Variants in COL5A2 observed in about 807,000 individuals in gnomAD.
COL5A2 encodes the protein collagen alpha-2(V) chain.
In COL5A2, 23 loss-of-function variants were observed where a neutral mutation model predicts 208.2. The observed-to-expected ratio is 0.11, with a 90% CI of 0.08 to 0.16. The LOEUF (loss-of-function observed/expected upper bound fraction) is 0.16. Ranked by LOEUF, COL5A2 falls within the 10% of genes least tolerant of loss-of-function variation. The pLI is 1.00. For missense variants in COL5A2, 1,590 were observed against 1,956.4 expected, an observed-to-expected ratio of 0.81 and a Z score of 3.53; for synonymous variants, 625 against 628.5, an observed-to-expected ratio of 0.99 and a Z score of 0.08.
At chr2:189,204,710 C>T (rs1689122095) in intron 1 of COL5A2, among the ~76,000 whole-genome samples, 1 of 152,160 alleles carries the variant, frequency 6.6e-6, no homozygotes, top group Admixed American at 6.5e-5. Flanking sequence ...CATCCTGTGG[C>T]TTAACTCCTG....
chr2:189,269,715 CT>C, the COL5A2 span, among the ~76,000 whole-genome samples: 3 of 152,126 alleles, frequency 2.0e-5, no homozygotes, highest in African/African-American at 7.2e-5. Context: ...TGTTGTGTCT[CT>C]GCCAGGTTTT....
the COL5A2 span, among the ~76,000 whole-genome samples, chr2:189,365,055 A>C: frequency 6.6e-6 from 1 of 152,232 alleles, no homozygotes; most frequent in African/African-American, 2.4e-5. Context: ...ATAGAGGGAT[A>C]TAAGATAGTA....
At chr2:189,196,243 G>C (rs1688999605) in intron 1 of COL5A2, among the ~76,000 whole-genome samples, 1 of 151,836 alleles carries the variant, frequency 6.6e-6, no homozygotes, top group African/African-American at 2.4e-5. Flanking sequence ...TTGATCTTCT[G>C]TCTTGCAATG....
the COL5A2 span, among the ~76,000 whole-genome samples, chr2:189,408,720 G>C: frequency 6.6e-6 from 1 of 152,070 alleles, no homozygotes; most frequent in African/African-American, 2.4e-5. Context: ...ATATTCTGTT[G>C]GTCTCATGTA....
the COL5A2 span, among the ~76,000 whole-genome samples, chr2:189,256,606 G>C: frequency 1.3e-5 from 2 of 152,074 alleles, no homozygotes; most frequent in Non-Finnish European, 2.9e-5. Flanking sequence ...TTTATATTTA[G>C]GAAAATCTGG....
intron 1 of COL5A2, among the ~76,000 whole-genome samples, chr2:189,151,912 T>C (rs941043571): frequency 1.3e-5 from 2 of 152,200 alleles, no homozygotes. Context: ...CAAAGTGTAC[T>C]GTTGGGTCTA....
chr2:189,357,792 G>T, the COL5A2 span, among the ~76,000 whole-genome samples: 1 of 150,638 alleles, frequency 6.6e-6, no homozygotes, highest in Admixed American at 6.6e-5. Context: ...TCCTGCAGCT[G>T]CTCAGTGTCT....
the COL5A2 span, among the ~76,000 whole-genome samples, chr2:189,424,580 A>G: frequency 2.6e-5 from 4 of 152,298 alleles, no homozygotes; most frequent in Admixed American, 6.5e-5. Flanking sequence ...TAGCTACAAA[A>G]GAAATAAAAT....
chr2:189,099,469 A>G (rs1272338741), intron 4 of COL5A2, among the ~76,000 whole-genome samples: 1 of 152,106 alleles, frequency 6.6e-6, no homozygotes, highest in African/African-American at 2.4e-5. Flanking sequence ...TACTAAAAAT[A>G]CAAAATTTAG....
At chr2:189,208,991 C>T (rs935185121) in intron 1 of COL5A2, among the ~76,000 whole-genome samples, 5 of 152,168 alleles carry the variant, frequency 3.3e-5, no homozygotes, top group African/African-American at 1.2e-4. Flanking sequence ...CATCTGGCCC[C>T]CTCGGAGGTA....
chr2:189,354,974 G>A, the COL5A2 span, among the ~76,000 whole-genome samples: 9 of 152,118 alleles, frequency 5.9e-5, no homozygotes, highest in Non-Finnish European at 8.8e-5. Flanking sequence ...ATTCTGGTAC[G>A]TTGTATCTTT....
intron 1 of COL5A2, among the ~76,000 whole-genome samples, chr2:189,163,895 A>G (rs1688417420): frequency 6.6e-6 from 1 of 152,220 alleles, no homozygotes; most frequent in Admixed American, 6.5e-5. Context: ...CAGAGCTGCA[A>G]TTATGATGCA....
the COL5A2 span, among the ~76,000 whole-genome samples, chr2:189,330,313 G>T: frequency 6.6e-6 from 1 of 152,076 alleles, no homozygotes; most frequent in African/African-American, 2.4e-5. Context: ...AACACCAAAG[G>T]CTAAACACAG....
At chr2:189,189,296 G>T (rs1310125519) in intron 1 of COL5A2, among the ~76,000 whole-genome samples, 1 of 152,136 alleles carries the variant, frequency 6.6e-6, no homozygotes, top group African/African-American at 2.4e-5. Flanking sequence ...ATCAAGTCTT[G>T]ATTAATACTG....
the COL5A2 span, among the ~76,000 whole-genome samples, chr2:189,396,102 G>C: frequency 2.6e-5 from 4 of 152,112 alleles, no homozygotes; most frequent in Non-Finnish European, 5.9e-5. Flanking sequence ...AACTTCATTA[G>C]TATTTAGTCC....
At chr2:189,247,879 C>T in the COL5A2 span, among the ~76,000 whole-genome samples, 41 of 152,124 alleles carry the variant, frequency 2.7e-4, no homozygotes, top group African/African-American at 8.7e-4. Context: ...TGCACTCAGC[C>T]TAAAGTTTTT....
chr2:189,302,134 G>C, the COL5A2 span, among the ~76,000 whole-genome samples: 3 of 151,994 alleles, frequency 2.0e-5, no homozygotes, highest in Non-Finnish European at 4.4e-5. Context: ...TTTGTCACTA[G>C]TTGCAATTAA....
chr2:189,286,155 C>T, the COL5A2 span, among the ~76,000 whole-genome samples: 1 of 151,468 alleles, frequency 6.6e-6, no homozygotes, highest in African/African-American at 2.4e-5. Context: ...TCAGATTGCA[C>T]AGTTTGGCAT....
the COL5A2 span, among the ~76,000 whole-genome samples, chr2:189,326,097 A>C: frequency 4.6e-4 from 3 of 6,498 alleles, no homozygotes; most frequent in Non-Finnish European, 8.5e-3. Context: ...ACCCTGTCTC[A>C]AAAAAAAAAA....
Sources: allele counts gnomAD v4.1 joint callset (sites outside exome capture counted in the v4.1 genomes callset), GRCh38; gene constraint gnomAD v4.1.1; transcripts MANE v1.5; gene names NCBI Gene and HGNC (gene_info 2026-07-23, HGNC 2026-07-21).